The following UNC13C variants were observed in gnomAD, a reference collection of about 807,000 sequenced individuals.
The protein encoded by UNC13C is unc-13 homolog C, also known as protein unc-13 homolog C.
UNC13C carries 174 observed loss-of-function variants against 245.4 expected under a neutral mutation model. That is an observed-to-expected ratio of 0.71 (90% CI 0.63 to 0.80). The LOEUF is 0.80. Among genes scored for constraint, UNC13C ranks in the 30% least tolerant of loss-of-function variants. UNC13C has a pLI of 0.00. For missense variants in UNC13C, 2,829 were observed against 2,602.9 expected (o/e 1.09, Z -1.89); for synonymous variants, 992 against 895.1 (o/e 1.11, Z -1.93).
In UNC13C at chr15:54,600,417, G is replaced by A. The variant is rs115049736; in HGVS notation, c.6107-21910G>A. Among the ~76,000 whole-genome samples the A allele has an allele frequency of 9.7e-3, 1,470 of 152,196 alleles. 25 individuals carry two copies. Among genetic ancestry groups the A allele is most frequent in the African/African-American group, 0.034 (1,428 of 41,548 alleles). ...GCAAAGATGTAGGAATGAGCAAGCT[G>A]TATTCAGAGTATAGGGGAGCAGGCC... On this transcript the variant is annotated intron_variant, in intron 30 of 32. Transcript: ENST00000260323.
At chr15:54,099,009 T>A (rs1409678356) in intron 2 of UNC13C, among the ~76,000 whole-genome samples, 2 of 152,250 alleles carry the variant, frequency 1.3e-5, no homozygotes, top group African/African-American at 2.4e-5. Flanking sequence ...CCTTATGTAT[T>A]TTATCTACCA....
chr15:53,878,026 T>G, the UNC13C span, among the ~76,000 whole-genome samples: 1 of 152,356 alleles, frequency 6.6e-6, no homozygotes, highest in East Asian at 1.9e-4. Context: ...TAATGCTTTT[T>G]TGCTTAGTAT....
chr15:53,961,509 G>A, the UNC13C span, among the ~76,000 whole-genome samples: 7 of 152,272 alleles, frequency 4.6e-5, no homozygotes, highest in East Asian at 5.8e-4. Flanking sequence ...GGTTAAGAGC[G>A]GGCTAGAATC....
intron 2 of UNC13C, among the ~76,000 whole-genome samples, chr15:54,040,031 C>A (rs569800345): frequency 1.3e-5 from 2 of 152,012 alleles, no homozygotes; most frequent in African/African-American, 2.4e-5. Context: ...CAAGCCAAAC[C>A]CCTTACTGTG....
intron 19 of UNC13C, among the ~76,000 whole-genome samples, chr15:54,442,341 G>C (rs1890575852): frequency 1.3e-5 from 2 of 149,188 alleles, no homozygotes; most frequent in South Asian, 4.2e-4. Flanking sequence ...TTCTGCCTCA[G>C]CCTCCTGAAT....
chr15:54,414,142 G>A (rs190745562), intron 18 of UNC13C, among the ~76,000 whole-genome samples: 24 of 152,180 alleles, frequency 1.6e-4, no homozygotes, highest in Admixed American at 1.5e-3. Flanking sequence ...CAGATTAGTG[G>A]GTGTGTCCAC....
the UNC13C span, among the ~76,000 whole-genome samples, chr15:53,890,705 G>A: frequency 2.0e-5 from 3 of 152,026 alleles, no homozygotes; most frequent in African/African-American, 7.2e-5. Context: ...GGGATCAGTG[G>A]TGATATCCCT....
At chr15:54,313,005 G>A (rs753217536) in intron 13 of UNC13C, among the ~76,000 whole-genome samples, 2 of 151,730 alleles carry the variant, frequency 1.3e-5, no homozygotes, top group Non-Finnish European at 2.9e-5. Flanking sequence ...TTTCTTGGAA[G>A]TTTCCATGGG....
chr15:54,467,059 T>A (rs1273440330), intron 19 of UNC13C, among the ~76,000 whole-genome samples: 2 of 151,044 alleles, frequency 1.3e-5, no homozygotes, highest in Non-Finnish European at 3.0e-5. Context: ...ATATTCAGAC[T>A]TCTGGGACCT....
intron 26 of UNC13C, among the ~76,000 whole-genome samples, chr15:54,542,530 C>G (rs1896294594): frequency 6.6e-6 from 1 of 152,098 alleles, no homozygotes; most frequent in Non-Finnish European, 1.5e-5. Flanking sequence ...TGGTCCAGAG[C>G]TGAGTTCAAG....
chr15:53,873,414 T>G, the UNC13C span, among the ~76,000 whole-genome samples: 2 of 152,116 alleles, frequency 1.3e-5, no homozygotes, highest in East Asian at 3.9e-4. Flanking sequence ...TCAACTTGCC[T>G]CCTCTTCCAC....
At chr15:54,557,094 A>C (rs1897124269) in intron 29 of UNC13C, among the ~76,000 whole-genome samples, 1 of 152,022 alleles carries the variant, frequency 6.6e-6, no homozygotes, top group African/African-American at 2.4e-5. Flanking sequence ...CTAATATTTT[A>C]ATTCAGTCTC....
intron 30 of UNC13C, among the ~76,000 whole-genome samples, chr15:54,579,540 C>T (rs1292379466): frequency 1.3e-5 from 2 of 151,954 alleles, no homozygotes; most frequent in Non-Finnish European, 2.9e-5. Flanking sequence ...AGGCAGATCA[C>T]GAGGTCAGGA....
the UNC13C span, among the ~76,000 whole-genome samples, chr15:53,892,893 C>T: frequency 6.6e-6 from 1 of 152,160 alleles, no homozygotes; most frequent in Admixed American, 6.5e-5. Context: ...AACTCATTCT[C>T]CATCAAGTTT....
At chr15:54,297,010 G>A (rs555220881) in intron 11 of UNC13C, among the ~76,000 whole-genome samples, 1 of 152,166 alleles carries the variant, frequency 6.6e-6, no homozygotes, top group Admixed American at 6.5e-5. Flanking sequence ...TTAGCCTAGG[G>A]TATAGACTGT....
chr15:54,126,403 G>T (rs1169969367), intron 2 of UNC13C, among the ~76,000 whole-genome samples: 2 of 152,032 alleles, frequency 1.3e-5, no homozygotes, highest in African/African-American at 4.8e-5. Flanking sequence ...TGATATAGAG[G>T]CCAATCTACT....
At chr15:54,183,377 T>G (rs1440581162) in intron 4 of UNC13C, among the ~76,000 whole-genome samples, 1 of 150,794 alleles carries the variant, frequency 6.6e-6, no homozygotes, top group African/African-American at 2.4e-5. Flanking sequence ...GCAAACTAGA[T>G]GCAGTTCTGA....
intron 4 of UNC13C, among the ~76,000 whole-genome samples, chr15:54,159,284 GA>G (rs1453066336): frequency 8.5e-5 from 13 of 152,194 alleles, no homozygotes; most frequent in African/African-American, 3.1e-4. Context: ...GTAGACCGCA[GA>G]CCAGGCAGAA....
chr15:53,948,656 T>G, the UNC13C span: 1 of 151,942 alleles, frequency 6.6e-6, no homozygotes, highest in East Asian at 1.9e-4. Context: ...TATTATACTC[T>G]TTCAACATAG....
Sources: allele counts gnomAD v4.1 joint callset (sites outside exome capture counted in the v4.1 genomes callset), GRCh38; gene constraint gnomAD v4.1.1; transcripts MANE v1.5; gene names NCBI Gene and HGNC (gene_info 2026-07-23, HGNC 2026-07-21).